HTR2A: variants seen among roughly 807,000 people sequenced by gnomAD.
HTR2A encodes the protein 5-hydroxytryptamine receptor 2A, also known as 5-HT2 receptor.
In HTR2A, 14 loss-of-function variants were observed where a neutral mutation model predicts 31.0. The observed-to-expected ratio is 0.45, with a 90% CI of 0.30 to 0.71. The LOEUF (loss-of-function observed/expected upper bound fraction) is 0.71, where lower values mean the gene tolerates loss of function less well. Ranked by LOEUF, HTR2A falls within the 30% of genes least tolerant of loss-of-function variation. HTR2A has a pLI of 0.09. For synonymous variants in HTR2A, 209 were observed against 225.2 expected, an observed-to-expected ratio of 0.93 and a Z score of 0.64; for missense variants, 442 against 573.3, an observed-to-expected ratio of 0.77 and a Z score of 2.34.
At chr13:46,844,758 T>A (rs927831506) in intron 3 of HTR2A, among the ~76,000 whole-genome samples, 4 of 152,252 alleles carry the variant, frequency 2.6e-5, no homozygotes, top group African/African-American at 9.6e-5. Flanking sequence ...GCCTCCAGAC[T>A]CTGTTAATCA....
intron 3 of HTR2A, among the ~76,000 whole-genome samples, chr13:46,845,643 C>CAAAAAAAAA (rs11394720): frequency 5.3e-5 from 6 of 112,966 alleles, no homozygotes; most frequent in East Asian, 2.5e-4. Context: ...TTCATCACTC[C>CAAAAAAAAA]AAAAAAAAAA....
intron 3 of HTR2A, among the ~76,000 whole-genome samples, chr13:46,868,968 T>A (rs1950842535): frequency 6.6e-6 from 1 of 152,146 alleles, no homozygotes; most frequent in Non-Finnish European, 1.5e-5. Context: ...CTTATGGTGA[T>A]AAAGTAGCTT....
chr13:46,897,670 T>C (rs1444677361), upstream of HTR2A, among the ~76,000 whole-genome samples: 1 of 152,214 alleles, frequency 6.6e-6, no homozygotes, highest in Non-Finnish European at 1.5e-5. Context: ...GTTCGATCTC[T>C]CTCTTTTTGC....
At position 46,835,094 on chromosome 13, in the gene HTR2A, A is replaced by G. The variant is rs1389863499; in HGVS notation, c.1159T>C (p.Tyr387His). 3.1e-6 allele frequency: 5 copies of G among 1,614,122 alleles called. No homozygotes were observed. The highest frequency in any genetic ancestry group is 4.2e-6 in the Non-Finnish European group (5 of 1,179,996). Residue 387 changes from tyrosine (Y) to histidine (H), a missense_variant, in exon 4 of 4, where the codon TAT becomes CAT. Physicochemically the swap from Tyr to His is moderately conservative, Grantham distance 83. Transcript: ENST00000542664. ...PLVYTLFNKT[Y>H]RSAFSRYIQC... is the part of the protein sequence containing the mutation. ...ATATACCGTGAAAAGGCTGACCTATAGGTCTTGTTGAACAGTGTGTAGACT... is the reference window on the plus strand; with the variant it reads ...ATATACCGTGAAAAGGCTGACCTATGGGTCTTGTTGAACAGTGTGTAGACT...
At position 46,841,527 on chromosome 13, in the gene HTR2A, G is replaced by A. The variant is rs552897252; in HGVS notation, c.614-5888C>T. 4.1e-4 allele frequency among the ~76,000 whole-genome samples: 62 copies of A among 152,026 alleles called. 1 individual carries two copies. Among genetic ancestry groups the A allele is most frequent in the Admixed American group, 3.5e-3 (54 of 15,258 alleles). On this transcript the variant is annotated intron_variant, in intron 3 of 3. Transcript: ENST00000542664. ...GTTACATTGCCTGAGCCTCATTCTC[G>A]GGGGTTCTGATGTTAGTACTTTAAA...
In HTR2A at chr13:46,895,465, G is replaced by A. The variant is rs371199634; in HGVS notation, c.412+30C>T. The A allele has an allele frequency of 5.0e-6, 8 of 1,601,176 alleles. No individual in the cohort carries two copies. The highest frequency in any genetic ancestry group is 4.0e-5 in the African/African-American group (3 of 74,768). On this transcript the variant is annotated intron_variant, in intron 2 of 3. Coordinates refer to ENST00000542664, the MANE Select transcript of HTR2A (RefSeq NM_000621.5). This position sits in a 1 kb window ranked among gnomAD's most constrained non-coding sequence, Gnocchi z 4.4. ...TGCACATGCTCTTTATTACCAGTGCGAATATAGCTGGGAAACTAATGCCAC... is the reference window on the plus strand; with the variant it reads ...TGCACATGCTCTTTATTACCAGTGCAAATATAGCTGGGAAACTAATGCCAC...
intron 3 of HTR2A, among the ~76,000 whole-genome samples, chr13:46,875,815 G>T (rs1446223385): frequency 6.6e-6 from 1 of 152,178 alleles, no homozygotes; most frequent in African/African-American, 2.4e-5. Context: ...CTCTCCAAAA[G>T]TAATCCAAAA....
At chr13:46,860,843 C>A (rs1458580885) in intron 3 of HTR2A, among the ~76,000 whole-genome samples, 1 of 152,040 alleles carries the variant, frequency 6.6e-6, no homozygotes, top group African/African-American at 2.4e-5. Flanking sequence ...AGCTTGAGAC[C>A]AGTGAAACAG....
At chr13:46,842,551 C>T (rs769436120) in intron 3 of HTR2A, among the ~76,000 whole-genome samples, 3 of 152,150 alleles carry the variant, frequency 2.0e-5, no homozygotes, top group African/African-American at 7.2e-5. Flanking sequence ...CGCTTGTATG[C>T]AGCATCCTAA....
chr13:46,882,468 C>T (rs1056607320), intron 3 of HTR2A, among the ~76,000 whole-genome samples: 1 of 151,956 alleles, frequency 6.6e-6, no homozygotes, highest in Non-Finnish European at 1.5e-5. Flanking sequence ...CTAAATGGCC[C>T]AAAGACTTAA....
chr13:46,866,467 A>G (rs967989064), intron 3 of HTR2A, among the ~76,000 whole-genome samples: 13 of 152,232 alleles, frequency 8.5e-5, no homozygotes. Context: ...TGCACAGTGT[A>G]AACAGTAATG....
intron 3 of HTR2A, among the ~76,000 whole-genome samples, chr13:46,877,686 T>A (rs1177514753): frequency 3.3e-5 from 5 of 152,096 alleles, no homozygotes; most frequent in Admixed American, 1.3e-4. Flanking sequence ...TGTGACCTAG[T>A]AGGGGAATAA....
intron 3 of HTR2A, among the ~76,000 whole-genome samples, chr13:46,843,968 G>A (rs1950620839): frequency 6.6e-6 from 1 of 152,036 alleles, no homozygotes; most frequent in South Asian, 2.1e-4. Flanking sequence ...TTTTCAAAAC[G>A]TATCTCAAGG....
chr13:46,886,448 TA>T (rs1951006835), intron 3 of HTR2A, among the ~76,000 whole-genome samples: 1 of 152,062 alleles, frequency 6.6e-6, no homozygotes, highest in African/African-American at 2.4e-5. Flanking sequence ...ATTTCAATAT[TA>T]AAAAGGCAAA....
At chr13:46,840,698 G>A (rs1023095809) in intron 3 of HTR2A, among the ~76,000 whole-genome samples, 1 of 152,108 alleles carries the variant, frequency 6.6e-6, no homozygotes, top group Non-Finnish European at 1.5e-5. Context: ...TCCTTTGAAG[G>A]TAGTTACAAA....
In HTR2A at chr13:46,856,034, G is replaced by A. The variant is rs575140657; in HGVS notation, c.614-20395C>T. 8 of 152,334 alleles carry A rather than the reference G, an allele frequency of 5.3e-5. No homozygotes were observed. The South Asian group carries it at 1.7e-3, about 32-fold the overall frequency. 9.4% of individuals were successfully genotyped at this position (152,334 alleles called of 1,614,324 possible). The stretch of plus-strand genomic sequence containing the variant: ...CCTAGTGTGGGTTTGGGACAGAACA[G>A]GTAGAATAAAGCAATCCCTTACCCT... On this transcript the variant is annotated intron_variant, in intron 3 of 3. Transcript: ENST00000542664.
At chr13:46,868,408 C>T (rs1950835903) in intron 3 of HTR2A, among the ~76,000 whole-genome samples, 1 of 152,214 alleles carries the variant, frequency 6.6e-6, no homozygotes, top group African/African-American at 2.4e-5. Context: ...ACAAGTAAAA[C>T]TATTCAGAAG....
At position 46,835,190 on chromosome 13, in the gene HTR2A, C is replaced by T. The variant is rs774903370; in HGVS notation, c.1063G>A (p.Glu355Lys). The T allele has an allele frequency of 5.0e-6, 8 of 1,613,988 alleles. No homozygotes were observed. The African/African-American group carries it at 9.3e-5, about 19-fold the overall frequency. Residue 355 changes from glutamate to lysine, a missense_variant, in exon 4 of 4, where the codon GAG becomes AAG. Coordinates refer to ENST00000542664, the MANE Select transcript of HTR2A (RefSeq NM_000621.5). ...MAVICKESCN[E>K]DVIGALLNVF... ...TTGAGCAGGGCCCCAATGACATCCTCATTGCAGGACTCTTTGCAGATGACG... is the reference window on the plus strand; with the variant it reads ...TTGAGCAGGGCCCCAATGACATCCTTATTGCAGGACTCTTTGCAGATGACG...
chr13:46,833,626 A>G lies in HTR2A; in HGVS notation c.*1211T>C, dbSNP rs1193817084. On this transcript the variant is annotated 3_prime_UTR_variant, in exon 4 of 4. Transcript: ENST00000542664. ...AGTGATCCTCCCATCTCAGCCTCCC[A>G]AAGTGCTAGGATTACATGCACGAGC... The G allele has an allele frequency of 6.6e-6, 1 of 152,160 alleles. No homozygotes were observed. The highest frequency in any genetic ancestry group is 1.9e-4 in the East Asian group (1 of 5,192). The allele number at this position is 152,160 out of a possible 1,614,324, so 9.4% of individuals were successfully genotyped here.
Sources: allele counts gnomAD v4.1 joint callset (sites outside exome capture counted in the v4.1 genomes callset), GRCh38; gene constraint gnomAD v4.1.1; non-coding constraint Gnocchi (gnomAD v3.1); transcripts MANE v1.5; gene names NCBI Gene and HGNC (gene_info 2026-07-23, HGNC 2026-07-21).